Variants in CCPG1 observed in about 807,000 individuals in gnomAD.
CCPG1 encodes cell cycle progression 1, also known as cell cycle progression protein 1.
A neutral mutation model predicts 81.3 loss-of-function variants in CCPG1; 46 were observed. The observed-to-expected ratio is 0.57, with a 90% CI of 0.45 to 0.72. CCPG1 has a LOEUF of 0.72. Among genes scored for constraint, CCPG1 ranks in the 30% least tolerant of loss-of-function variants. The pLI is 0.00. For synonymous variants in CCPG1, 330 were observed against 305.2 expected (o/e 1.08, Z -0.85); for missense variants, 902 against 937.6 (o/e 0.96, Z 0.50).
At chr15:55,369,448 T>C (rs2056402488) in intron 6 of CCPG1, among the ~76,000 whole-genome samples, 1 of 151,880 alleles carries the variant, frequency 6.6e-6, no homozygotes, top group African/African-American at 2.4e-5. Context: ...GGCAGGAGAA[T>C]TGCTTGAACC....
chr15:55,401,112 T>A (rs925293729), intron 1 of CCPG1, among the ~76,000 whole-genome samples: 3 of 152,240 alleles, frequency 2.0e-5, no homozygotes, highest in Non-Finnish European at 4.4e-5. Context: ...TTTAGCTGTT[T>A]AATTCATGCA....
intron 8 of CCPG1, chr15:55,357,752 GGGA>G (rs1369543790): frequency 1.3e-5 from 2 of 152,182 alleles, no homozygotes; most frequent in East Asian, 3.8e-4. Flanking sequence ...TGGGAGACTA[GGGA>G]GGAGAATCAC....
intron 1 of CCPG1, among the ~76,000 whole-genome samples, chr15:55,398,810 G>C (rs780688526): frequency 3.9e-5 from 6 of 152,104 alleles, no homozygotes; most frequent in Non-Finnish European, 4.4e-5. Flanking sequence ...TCGATCTCTT[G>C]ACCTCATGAT....
At chr15:55,356,785 G>A in intron 8 of CCPG1, 1 of 995,824 alleles carries the variant, frequency 1.0e-6, no homozygotes, top group Non-Finnish European at 1.2e-6. Flanking sequence ...CACAAACAAA[G>A]CAAAACAAAA....
At chr15:55,380,288 G>GTTTTTT (rs57160266) in intron 3 of CCPG1, among the ~76,000 whole-genome samples, 2 of 142,264 alleles carry the variant, frequency 1.4e-5, no homozygotes, top group African/African-American at 5.1e-5. Flanking sequence ...ATTTCTTTTT[G>GTTTTTT]TTTTTTTTTT....
intron 7 of CCPG1, among the ~76,000 whole-genome samples, chr15:55,363,895 C>T (rs1013338950): frequency 6.9e-6 from 1 of 145,796 alleles, no homozygotes; most frequent in African/African-American, 2.5e-5. Context: ...CCTCTGCCTC[C>T]TAGATTGAAG....
intron 3 of CCPG1, among the ~76,000 whole-genome samples, chr15:55,384,816 T>C (rs1028539879): frequency 6.6e-5 from 10 of 152,178 alleles, no homozygotes; most frequent in Non-Finnish European, 1.5e-4. Flanking sequence ...ATGTAGTATC[T>C]GCGAAGTACA....
chr15:55,380,546 C>G (rs983601807), intron 3 of CCPG1, among the ~76,000 whole-genome samples: 1 of 151,706 alleles, frequency 6.6e-6, no homozygotes, highest in African/African-American at 2.4e-5. Context: ...CCGCCCGCCT[C>G]GGCCACCCAA....
At chr15:55,381,654 T>C (rs75190367) in intron 3 of CCPG1, among the ~76,000 whole-genome samples, 5,548 of 152,326 alleles carry the variant, frequency 0.036, 102 homozygotes, top group African/African-American at 0.05. Flanking sequence ...ATCCACTTTT[T>C]TCTCCTGAGG....
intron 1 of CCPG1, among the ~76,000 whole-genome samples, chr15:55,406,772 T>C (rs1368778450): frequency 6.6e-6 from 1 of 152,196 alleles, no homozygotes; most frequent in Non-Finnish European, 1.5e-5. Flanking sequence ...GTTCACTTTT[T>C]GTTCCATGGT....
chr15:55,397,097 C>G (rs1157213506), intron 1 of CCPG1, among the ~76,000 whole-genome samples: 1 of 152,116 alleles, frequency 6.6e-6, no homozygotes, highest in Non-Finnish European at 1.5e-5. Flanking sequence ...GCCTGTAGTT[C>G]CAGCTACTTC....
chr15:55,358,726 G>A, intron 8 of CCPG1: 6 of 985,384 alleles, frequency 6.1e-6, no homozygotes, highest in Non-Finnish European at 7.2e-6. Context: ...TACTTAGCTT[G>A]TGAGCTCCTT....
chr15:55,359,696 C>A lies in CCPG1; in HGVS notation c.2077G>T (p.Asp693Tyr). Reference protein sequence around the residue: ...KFFLNGVFIHDQKLFTDFVND... With the variant: ...KFFLNGVFIHYQKLFTDFVND... ...ACAAAGTCAGTGAAGAGCTTCTGATCATGTATAAAGACACCGTTTAGGAAA... is the reference window on the plus strand; with the variant it reads ...ACAAAGTCAGTGAAGAGCTTCTGATAATGTATAAAGACACCGTTTAGGAAA... Residue 693 changes from aspartate (D) to tyrosine (Y), a missense_variant, in exon 8 of 9, where the codon GAT (aspartate) becomes TAT (tyrosine). Around this residue, in one of 3 missense-constraint regions of CCPG1, gnomAD observed 128 missense variants for 161.2 expected, o/e 0.79. Transcript: ENST00000442196. 1 of 1,613,534 alleles carries A rather than the reference C, an allele frequency of 6.2e-7. No individual in the cohort carries two copies. The highest frequency in any genetic ancestry group is 1.1e-5 in the South Asian group (1 of 91,010).
intron 2 of CCPG1, among the ~76,000 whole-genome samples, chr15:55,388,709 C>G (rs79645722): frequency 0.04 from 6,043 of 151,820 alleles, 407 homozygotes; most frequent in African/African-American, 0.14. Context: ...ACTATGATTG[C>G]ACATGTGAAC....
chr15:55,384,292 T>C (rs565545652), intron 3 of CCPG1, among the ~76,000 whole-genome samples: 11 of 152,330 alleles, frequency 7.2e-5, no homozygotes, highest in African/African-American at 2.6e-4. Context: ...CCAAAGGAAT[T>C]ACAATAGTAA....
At chr15:55,379,370 AT>A (rs2056633094) in intron 3 of CCPG1, among the ~76,000 whole-genome samples, 1 of 152,132 alleles carries the variant, frequency 6.6e-6, no homozygotes, top group African/African-American at 2.4e-5. Context: ...AAAAATAAAA[AT>A]TAAAAAATTA....
chr15:55,405,391 A>G (rs1340999622), intron 1 of CCPG1, among the ~76,000 whole-genome samples: 3 of 152,004 alleles, frequency 2.0e-5, no homozygotes, highest in African/African-American at 7.2e-5. Context: ...GCATGGTGTC[A>G]CATGTCTGTG....
intron 1 of CCPG1, among the ~76,000 whole-genome samples, chr15:55,393,446 A>T (rs1266641424): frequency 6.6e-6 from 1 of 152,108 alleles, no homozygotes; most frequent in Non-Finnish European, 1.5e-5. Context: ...TCTCAAAAAA[A>T]TGTTTTTTTT....
intron 1 of CCPG1, among the ~76,000 whole-genome samples, chr15:55,401,936 C>G (rs1234117761): frequency 2.0e-5 from 3 of 152,146 alleles, no homozygotes; most frequent in African/African-American, 7.2e-5. Context: ...GTCTTCTGAA[C>G]ACAAAATGGA....
Sources: allele counts gnomAD v4.1 joint callset (sites outside exome capture counted in the v4.1 genomes callset), GRCh38; gene constraint gnomAD v4.1.1; regional missense constraint gnomAD v4.1.1; transcripts MANE v1.5; gene names NCBI Gene and HGNC (gene_info 2026-07-23, HGNC 2026-07-21).